RBM46: variants seen among roughly 807,000 people sequenced by gnomAD.
RBM46 encodes probable RNA-binding protein 46.
Under a neutral mutation model 43.3 loss-of-function variants are expected in RBM46, and 12 were observed. The observed-to-expected ratio is 0.28, with a 90% CI of 0.18 to 0.45. The LOEUF (loss-of-function observed/expected upper bound fraction) is 0.45. Ranked by LOEUF, RBM46 falls within the 20% of genes least tolerant of loss-of-function variation. RBM46 has a pLI of 1.00. For synonymous variants in RBM46, 205 were observed against 207.6 expected, an observed-to-expected ratio of 0.99 and a Z score of 0.11; for missense variants, 412 against 639.1, an observed-to-expected ratio of 0.64 and a Z score of 3.83.
rs1275034229 is a variant in RBM46 at position 154,798,935 on chromosome 4, A to C, written c.773A>C (p.Lys258Thr). Residue 258 changes from lysine (K) to threonine (T), a missense_variant, in exon 4 of 5, where the codon AAA becomes ACA. Lys to Thr is a moderately conservative substitution (Grantham distance 78). Coordinates refer to ENST00000281722, the MANE Select transcript of RBM46 (RefSeq NM_144979.5). The part of the protein sequence containing the change: ...TEETIKAEFN[K>T]FKPGAVERVK... ...GAAACAATTAAAGCAGAATTCAATA[A>C]ATTTAAGCCTGGTGCAGTTGAACGG... is the stretch of plus-strand genomic sequence containing the variant. 1 of 1,613,446 alleles carries C rather than the reference A, an allele frequency of 6.2e-7. No homozygotes were observed. Among genetic ancestry groups the C allele is most frequent in the Admixed American group, 1.7e-5 (1 of 59,896 alleles).
At chr4:154,798,342 C>A in intron 3 of RBM46, 64 bp downstream of exon 3, 1 of 1,016,910 alleles carries the variant, frequency 9.8e-7, no homozygotes, top group Non-Finnish European at 1.4e-6. Flanking sequence ...GATAGTACAT[C>A]AGGGATCAAT....
chr4:154,827,988 T>C lies in RBM46; in HGVS notation c.1523T>C (p.Leu508Ser), dbSNP rs1020640912. 1.6e-5 allele frequency: 26 copies of C among 1,613,928 alleles called. No individual in the cohort carries two copies. The Admixed American group carries it at 3.5e-4, about 22-fold the overall frequency. Reference protein sequence around the residue: ...SRPYSYPGYPLSPTISLANGS... With the variant: ...SRPYSYPGYPSSPTISLANGS... ...CCTTATTCTTATCCAGGCTATCCTTTGTCACCAACAATATCACTTGCTAAT... is the reference window on the plus strand; with the variant it reads ...CCTTATTCTTATCCAGGCTATCCTTCGTCACCAACAATATCACTTGCTAAT... The change falls in exon 5 of 5, where the codon TTG becomes TCG. Residue 508 changes from leucine (L) to serine (S), a missense_variant. Leu to Ser is a moderately radical substitution (Grantham distance 145). Coordinates refer to ENST00000281722, the MANE Select transcript of RBM46 (RefSeq NM_144979.5).
chr4:154,781,827 G>GCCGACGA (rs1366851811), intron 1 of RBM46: 9 of 152,270 alleles, frequency 5.9e-5, no homozygotes, highest in African/African-American at 2.2e-4. Context: ...ACACGCTTAC[G>GCCGACGA]CCGACGACCA....
chr4:154,813,231 T>TA (rs1735269232), intron 4 of RBM46, among the ~76,000 whole-genome samples: 1 of 152,274 alleles, frequency 6.6e-6, no homozygotes, highest in Admixed American at 6.5e-5. Context: ...TTGACAGGTA[T>TA]AAACACAGGC....
chr4:154,807,751 A>G (rs1038162863), intron 4 of RBM46, among the ~76,000 whole-genome samples: 18 of 152,036 alleles, frequency 1.2e-4, no homozygotes, highest in Middle Eastern at 3.4e-3. Flanking sequence ...AAACCTTAGT[A>G]TCCCCAAATA....
In RBM46 at chr4:154,785,572, C is replaced by T. The variant is rs188031260; in HGVS notation, c.-12+4136C>T. 2.6e-5 allele frequency among the ~76,000 whole-genome samples: 4 copies of T among 152,104 alleles called. No individual in the cohort carries two copies. In the East Asian group the frequency reaches 7.7e-4, roughly 29 times the overall value. On this transcript the variant is annotated intron_variant, in intron 1 of 4. Coordinates refer to ENST00000281722, the MANE Select transcript of RBM46 (RefSeq NM_144979.5). ...TTGCCATTACTTTTAATGGCAAAAACTTTTGCAACAGTCTTAACTAGATTC... is the reference window on the plus strand; with the variant it reads ...TTGCCATTACTTTTAATGGCAAAAATTTTTGCAACAGTCTTAACTAGATTC...
intron 4 of RBM46, among the ~76,000 whole-genome samples, 191 bp downstream of exon 4, chr4:154,799,755 C>CTTTTTTTTTT (rs35629123): frequency 8.7e-6 from 1 of 114,660 alleles, no homozygotes; most frequent in Non-Finnish European, 1.7e-5. Context: ...TTTAGCTTTT[C>CTTTTTTTTTT]TTTTTTTTTT....
intron 1 of RBM46, among the ~76,000 whole-genome samples, chr4:154,785,327 C>CA (rs915579621): frequency 4.7e-5 from 7 of 150,396 alleles, no homozygotes; most frequent in African/African-American, 1.5e-4. Context: ...TGAATTAACC[C>CA]AAAAAATAGG....
chr4:154,809,973 C>G (rs1046853404), intron 4 of RBM46, among the ~76,000 whole-genome samples: 1 of 151,960 alleles, frequency 6.6e-6, no homozygotes, highest in Non-Finnish European at 1.5e-5. Context: ...ATAAAAATGC[C>G]AGGGAATTAC....
At chr4:154,817,730 C>G (rs923683716) in intron 4 of RBM46, among the ~76,000 whole-genome samples, 1 of 152,038 alleles carries the variant, frequency 6.6e-6, no homozygotes, top group African/African-American at 2.4e-5. Context: ...GTATTAATTT[C>G]TAAATATACA....
intron 4 of RBM46, among the ~76,000 whole-genome samples, chr4:154,816,389 T>C (rs1735444084): frequency 1.3e-5 from 2 of 152,120 alleles, no homozygotes; most frequent in Admixed American, 1.3e-4. Context: ...TCTCTTCATT[T>C]ACCTAGGCTT....
intron 4 of RBM46, among the ~76,000 whole-genome samples, chr4:154,824,381 C>G (rs1735856739): frequency 6.6e-6 from 1 of 152,032 alleles, no homozygotes. Flanking sequence ...AAACATATAT[C>G]CACCAAAAGA....
chr4:154,809,956 T>G (rs1735097857), intron 4 of RBM46, among the ~76,000 whole-genome samples: 1 of 152,040 alleles, frequency 6.6e-6, no homozygotes, highest in Non-Finnish European at 1.5e-5. Context: ...GATTATGAGG[T>G]AAAACCATAA....
In RBM46 at chr4:154,807,459, G is replaced by T. The variant is rs955257301; in HGVS notation, c.1402+7895G>T. On this transcript the variant is annotated intron_variant, in intron 4 of 4. Transcript: ENST00000281722. ...TTAGTAGACAATTTTTTATGCTGTA[G>T]CAGTGTAATTAAGTGAATGGACTCA... Among the ~76,000 whole-genome samples, 10 of 151,676 alleles carry T rather than the reference G, an allele frequency of 6.6e-5. 1 individual carries two copies. The highest frequency in any genetic ancestry group is 6.2e-4 in the South Asian group (3 of 4,834).
intron 1 of RBM46, among the ~76,000 whole-genome samples, chr4:154,794,337 C>T (rs572543903): frequency 1.3e-5 from 2 of 151,914 alleles, no homozygotes; most frequent in Admixed American, 6.6e-5. Flanking sequence ...CCCGCCACCA[C>T]GCCCGGCTAA....
intron 4 of RBM46, chr4:154,820,311 G>A (rs1735665291): frequency 2.6e-6 from 3 of 1,176,074 alleles, no homozygotes; most frequent in African/African-American, 3.1e-5. Flanking sequence ...TTCCAAGATA[G>A]GGATAACATC....
In RBM46 at chr4:154,798,026, A is replaced by G. The variant is rs763459294; in HGVS notation, c.367A>G (p.Asn123Asp). 2.2e-5 allele frequency: 35 copies of G among 1,613,616 alleles called. No homozygotes were observed. Among genetic ancestry groups the G allele is most frequent in the Non-Finnish European group, 2.9e-5 (34 of 1,179,908 alleles). The change falls in exon 3 of 5, where the codon AAT becomes GAT. Residue 123 changes from asparagine to aspartate, a missense_variant. Transcript: ENST00000281722. ...EAQLAIRILN[N>D]YEIRPGKFIG... ...CCAATTAGCCATCAGAATTCTTAAT[A>G]ATTATGAAATTCGACCAGGGAAGTT...
chr4:154,801,808 A>G (rs1394736480), intron 4 of RBM46, among the ~76,000 whole-genome samples: 1 of 152,196 alleles, frequency 6.6e-6, no homozygotes, highest in Non-Finnish European at 1.5e-5. Context: ...ATAGTTAACT[A>G]TATAGCATAG....
intron 4 of RBM46, among the ~76,000 whole-genome samples, chr4:154,807,027 A>G (rs1371616240): frequency 6.6e-6 from 1 of 151,820 alleles, no homozygotes; most frequent in Non-Finnish European, 1.5e-5. Flanking sequence ...TCCTTCTAAT[A>G]AACTAGTTTT....
Sources: allele counts gnomAD v4.1 joint callset (sites outside exome capture counted in the v4.1 genomes callset), GRCh38; gene constraint gnomAD v4.1.1; transcripts MANE v1.5; gene names NCBI Gene and HGNC (gene_info 2026-07-23, HGNC 2026-07-21).